The following FHOD3 variants were observed in gnomAD, a reference collection of about 807,000 sequenced individuals.
The protein encoded by FHOD3 is formin homology 2 domain containing 3.
In FHOD3, 90 loss-of-function variants were observed where a neutral mutation model predicts 173.0. That is an observed-to-expected ratio of 0.52 (90% CI 0.44 to 0.62). FHOD3 has a LOEUF of 0.62. Among genes scored for constraint, FHOD3 ranks in the 20% least tolerant of loss-of-function variants. The pLI is 0.00. For synonymous variants in FHOD3, 828 were observed against 823.0 expected (o/e 1.01, Z -0.10); for missense variants, 1,945 against 2,034.7 (o/e 0.96, Z 0.85).
At chr18:36,343,778 T>C (rs2045746686) in intron 1 of FHOD3, among the ~76,000 whole-genome samples, 1 of 152,184 alleles carries the variant, frequency 6.6e-6, no homozygotes, top group Non-Finnish European at 1.5e-5. Context: ...AAATTATAAA[T>C]GACCCAGTCT....
intron 14 of FHOD3, among the ~76,000 whole-genome samples, chr18:36,664,662 T>C (rs1388529192): frequency 1.3e-5 from 2 of 152,020 alleles, no homozygotes; most frequent in African/African-American, 4.8e-5. Context: ...TGACTTGACT[T>C]TTTCCCACCA....
chr18:36,747,888 C>A (rs560488896), intron 24 of FHOD3, among the ~76,000 whole-genome samples: 2 of 152,224 alleles, frequency 1.3e-5, no homozygotes, highest in South Asian at 4.1e-4. Context: ...GGGACCCTCA[C>A]CCATTCTTCC....
rs79289900 is a variant in FHOD3 at position 36,516,213 on chromosome 18, A to G, written c.511+3670A>G. Among the ~76,000 whole-genome samples the G allele has an allele frequency of 1.3e-4, 20 of 151,624 alleles. No individual in the cohort carries two copies. The East Asian group carries it at 1.9e-3, about 15-fold the overall frequency. On this transcript the variant is annotated intron_variant, in intron 5 of 28. Coordinates refer to ENST00000590592, the MANE Select transcript of FHOD3 (RefSeq NM_001281740.3). ...TCTTTATTTGTCCACCCATGTTTTAACTGTGCTGTCTTCGGTGGGGACTGG... is the reference window on the plus strand; with the variant it reads ...TCTTTATTTGTCCACCCATGTTTTAGCTGTGCTGTCTTCGGTGGGGACTGG...
At chr18:36,390,006 T>C (rs2048218832) in intron 3 of FHOD3, among the ~76,000 whole-genome samples, 1 of 152,182 alleles carries the variant, frequency 6.6e-6, no homozygotes, top group African/African-American at 2.4e-5. Flanking sequence ...GTGGTAAGGC[T>C]TTATCCATCT....
intron 10 of FHOD3, among the ~76,000 whole-genome samples, chr18:36,627,220 AGAATT>A (rs1235274004): frequency 6.6e-6 from 1 of 152,220 alleles, no homozygotes; most frequent in African/African-American, 2.4e-5. Context: ...TAACATGAAG[AGAATT>A]GAGGAAATTG....
At chr18:36,343,128 A>G (rs929531243) in intron 1 of FHOD3, among the ~76,000 whole-genome samples, 1 of 152,234 alleles carries the variant, frequency 6.6e-6, no homozygotes, top group African/African-American at 2.4e-5. Context: ...TAAAATGTTA[A>G]TGACCCAGCA....
intron 22 of FHOD3, among the ~76,000 whole-genome samples, 177 bp downstream of exon 22, chr18:36,743,033 G>A (rs529590838): frequency 2.0e-5 from 3 of 152,286 alleles, no homozygotes; most frequent in Admixed American, 6.5e-5. Context: ...GGCCTAGGCC[G>A]GGCGCGGTGG....
At chr18:36,753,828 T>G (rs925765977) in intron 24 of FHOD3, among the ~76,000 whole-genome samples, 1 of 152,230 alleles carries the variant, frequency 6.6e-6, no homozygotes, top group Non-Finnish European at 1.5e-5. Context: ...TTCATGTATC[T>G]CTTGGCCGTG....
intron 5 of FHOD3, among the ~76,000 whole-genome samples, chr18:36,520,821 C>T (rs940680852): frequency 2.6e-5 from 4 of 152,208 alleles, no homozygotes; most frequent in African/African-American, 4.8e-5. Context: ...GAATTTTCCA[C>T]GACCAAATCT....
intron 3 of FHOD3, among the ~76,000 whole-genome samples, chr18:36,414,316 G>A (rs1260475936): frequency 1.3e-5 from 2 of 152,198 alleles, no homozygotes; most frequent in Non-Finnish European, 2.9e-5. Flanking sequence ...TCACATAAAA[G>A]TCCTATTAAA....
intron 3 of FHOD3, among the ~76,000 whole-genome samples, chr18:36,425,745 A>G (rs2050208151): frequency 1.3e-5 from 2 of 152,146 alleles, no homozygotes; most frequent in African/African-American, 2.4e-5. Context: ...TAATATATGT[A>G]TATGGTTAAT....
At chr18:36,555,319 A>G (rs989810955) in intron 5 of FHOD3, among the ~76,000 whole-genome samples, 1 of 152,048 alleles carries the variant, frequency 6.6e-6, no homozygotes, top group African/African-American at 2.4e-5. Flanking sequence ...GTTACTTACA[A>G]AAATATTTTG....
At chr18:36,661,910 A>G (rs2036836112) in intron 14 of FHOD3, among the ~76,000 whole-genome samples, 1 of 152,248 alleles carries the variant, frequency 6.6e-6, no homozygotes, top group South Asian at 2.1e-4. Flanking sequence ...AAACGAGAAA[A>G]CCAGAACTAT....
At position 36,765,896 on chromosome 18, in the gene FHOD3, T is replaced by C. The variant is rs990428761; in HGVS notation, c.4625-3369T>C. ...CTGGAAAAAGATGGACCAGAAGCAA[T>C]ATTTGAAGAGATTGAAGAGATTTGA... is the stretch of plus-strand genomic sequence containing the variant. On this transcript the variant is annotated intron_variant, in intron 27 of 28. Coordinates refer to ENST00000590592, the MANE Select transcript of FHOD3 (RefSeq NM_001281740.3). Among the ~76,000 whole-genome samples, 2 of 152,070 alleles carry C rather than the reference T, an allele frequency of 1.3e-5. 1 individual carries two copies. Among genetic ancestry groups the C allele is most frequent in the Admixed American group, 1.3e-4 (2 of 15,266 alleles).
At chr18:36,506,921 A>G (rs1018451320) in intron 4 of FHOD3, among the ~76,000 whole-genome samples, 1 of 152,188 alleles carries the variant, frequency 6.6e-6, no homozygotes, top group African/African-American at 2.4e-5. Flanking sequence ...TGGACCCTCA[A>G]CTACTTTTGA....
chr18:36,722,896 C>A (rs2040861227), intron 19 of FHOD3, among the ~76,000 whole-genome samples: 1 of 152,056 alleles, frequency 6.6e-6, no homozygotes. Context: ...AGATAGAAAT[C>A]CTCCTATGCT....
chr18:36,433,285 T>C (rs2050648433), intron 3 of FHOD3, among the ~76,000 whole-genome samples: 1 of 152,222 alleles, frequency 6.6e-6, no homozygotes, highest in African/African-American at 2.4e-5. Flanking sequence ...TTTAGGATTC[T>C]GTCTACCATA....
At chr18:36,778,692 T>C (rs1034211209) in intron 28 of FHOD3, 3 of 152,222 alleles carry the variant, frequency 2.0e-5, no homozygotes, top group Non-Finnish European at 2.9e-5. Context: ...CATTGGCCAT[T>C]CTTGAGTCTT....
intron 20 of FHOD3, among the ~76,000 whole-genome samples, chr18:36,738,294 T>G (rs1040214856): frequency 2.6e-5 from 4 of 152,268 alleles, no homozygotes; most frequent in African/African-American, 4.8e-5. Context: ...AATATTCATG[T>G]ACAAGTGTTT....
Sources: gnomAD v4.1 joint callset for allele counts (sites outside exome capture counted in the v4.1 genomes callset) on GRCh38, gnomAD v4.1.1 for gene constraint, MANE v1.5 for transcripts, NCBI Gene and HGNC (gene_info 2026-07-23, HGNC 2026-07-21) for gene names.